Variants in ROBO1 observed in about 807,000 individuals in gnomAD.
The protein encoded by ROBO1 is roundabout homolog 1.
Under a neutral mutation model 195.9 loss-of-function variants are expected in ROBO1, and 149 were observed. That is an observed-to-expected ratio of 0.76 (90% CI 0.67 to 0.87). The LOEUF is 0.87. Ranked by LOEUF, ROBO1 falls within the 40% of genes least tolerant of loss-of-function variation. The pLI, the probability that ROBO1 is intolerant of heterozygous loss-of-function variation, is 0.00. For missense variants in ROBO1, 1,933 were observed against 2,068.3 expected (o/e 0.93, Z 1.27); for synonymous variants, 816 against 733.2 (o/e 1.11, Z -1.82).
At chr3:78,714,220 T>A (rs904519434) in intron 8 of ROBO1, among the ~76,000 whole-genome samples, 177 bp downstream of exon 8, 3 of 152,044 alleles carry the variant, frequency 2.0e-5, no homozygotes, top group Admixed American at 1.3e-4. Flanking sequence ...CTGTAACACT[T>A]ACAGAGCTCC....
intron 2 of ROBO1, among the ~76,000 whole-genome samples, chr3:79,420,430 T>G (rs1480034415): frequency 6.6e-6 from 1 of 152,136 alleles, no homozygotes; most frequent in Non-Finnish European, 1.5e-5. Flanking sequence ...GTGGCTTTTG[T>G]GATATTTGAA....
chr3:78,802,018 C>A (rs2084386905), intron 4 of ROBO1, among the ~76,000 whole-genome samples: 1 of 152,018 alleles, frequency 6.6e-6, no homozygotes, highest in African/African-American at 2.4e-5. Context: ...TTAAAGAGGT[C>A]TTATGAATGT....
intron 1 of ROBO1, among the ~76,000 whole-genome samples, chr3:79,731,595 AC>A (rs1471354154): frequency 6.6e-6 from 1 of 152,190 alleles, no homozygotes; most frequent in Non-Finnish European, 1.5e-5. Flanking sequence ...TATTCAAAAA[AC>A]AAAACAAAAA....
chr3:78,831,853 A>G (rs906461027), intron 4 of ROBO1, among the ~76,000 whole-genome samples: 3 of 152,196 alleles, frequency 2.0e-5, no homozygotes, highest in African/African-American at 7.2e-5. Flanking sequence ...TAAAACCATC[A>G]GATTTTGTGA....
intron 2 of ROBO1, among the ~76,000 whole-genome samples, chr3:79,466,818 C>A (rs561903021): frequency 6.6e-6 from 1 of 152,226 alleles, no homozygotes; most frequent in Admixed American, 6.5e-5. Context: ...TCAATATCTA[C>A]CTTTGCAAAA....
intron 1 of ROBO1, among the ~76,000 whole-genome samples, chr3:79,733,742 T>TA (rs1333381300): frequency 6.6e-6 from 1 of 152,198 alleles, no homozygotes; most frequent in Non-Finnish European, 1.5e-5. Context: ...TCTCTGTACT[T>TA]ACTCTATCAT....
At chr3:79,106,505 T>C (rs1176168124) in intron 3 of ROBO1, among the ~76,000 whole-genome samples, 1 of 151,664 alleles carries the variant, frequency 6.6e-6, no homozygotes, top group Non-Finnish European at 1.5e-5. Context: ...CCTGGATTTC[T>C]ATTAGCACTT....
intron 4 of ROBO1, among the ~76,000 whole-genome samples, chr3:78,852,772 A>G (rs939678639): frequency 2.6e-5 from 4 of 152,190 alleles, no homozygotes; most frequent in African/African-American, 9.6e-5. Flanking sequence ...TTGAATTCAC[A>G]TATCAAATAG....
chr3:78,973,138 G>A lies in ROBO1; in HGVS notation c.173-34211C>T, dbSNP rs150674334. ...GTTTTTGCTGTCTTGTTGTTACTCCGTGAGTTTCTTTTGCTTGCAATGAAA... is the reference window on the plus strand; with the variant it reads ...GTTTTTGCTGTCTTGTTGTTACTCCATGAGTTTCTTTTGCTTGCAATGAAA... On this transcript the variant is annotated intron_variant, in intron 3 of 30. Transcript: ENST00000464233. Among the ~76,000 whole-genome samples, 1,306 of 152,062 alleles carry A rather than the reference G, an allele frequency of 8.6e-3. 11 individuals are homozygous for A. The highest frequency in any genetic ancestry group is 0.014 in the South Asian group (69 of 4,820).
At chr3:78,721,024 C>A (rs550961769) in intron 5 of ROBO1, among the ~76,000 whole-genome samples, 1 of 151,516 alleles carries the variant, frequency 6.6e-6, no homozygotes, top group East Asian at 1.9e-4. Context: ...GTGCAGCACA[C>A]CAACATGGCA....
chr3:79,553,107 C>T (rs1331387669), intron 2 of ROBO1, among the ~76,000 whole-genome samples: 1 of 151,916 alleles, frequency 6.6e-6, no homozygotes, highest in African/African-American at 2.4e-5. Flanking sequence ...TGTCAGAGAG[C>T]CCTATTGAGT....
intron 3 of ROBO1, among the ~76,000 whole-genome samples, chr3:79,049,595 G>A (rs2078657916): frequency 6.6e-6 from 1 of 152,054 alleles, no homozygotes; most frequent in African/African-American, 2.4e-5. Flanking sequence ...ACACGTAATT[G>A]TCAGATTCAC....
At chr3:79,651,222 A>G (rs573309082) in intron 1 of ROBO1, among the ~76,000 whole-genome samples, 1 of 152,208 alleles carries the variant, frequency 6.6e-6, no homozygotes, top group African/African-American at 2.4e-5. Context: ...AGAAGAAGGG[A>G]ATCACAAGGA....
intron 2 of ROBO1, among the ~76,000 whole-genome samples, chr3:79,334,884 T>C (rs113684134): frequency 0.043 from 6,528 of 152,062 alleles, 475 homozygotes; most frequent in African/African-American, 0.15. Flanking sequence ...GGCAGGCAGA[T>C]CACCTGAGGC....
chr3:78,809,066 C>T (rs1365416534), intron 4 of ROBO1, among the ~76,000 whole-genome samples: 2 of 151,922 alleles, frequency 1.3e-5, no homozygotes, highest in African/African-American at 2.4e-5. Flanking sequence ...AGGCAACCTA[C>T]AGAATGGGAG....
chr3:79,557,586 T>C (rs1422994363), intron 2 of ROBO1, among the ~76,000 whole-genome samples: 1 of 151,480 alleles, frequency 6.6e-6, no homozygotes, highest in Non-Finnish European at 1.5e-5. Context: ...ATGCAAAAAT[T>C]AGCCAGGTTT....
intron 1 of ROBO1, among the ~76,000 whole-genome samples, chr3:79,687,971 A>C (rs763666018): frequency 2.0e-5 from 3 of 152,076 alleles, no homozygotes; most frequent in Non-Finnish European, 2.9e-5. Flanking sequence ...GAACCAACCC[A>C]AATGTCCAAC....
intron 1 of ROBO1, among the ~76,000 whole-genome samples, chr3:79,754,256 T>C (rs1487996430): frequency 6.6e-6 from 1 of 152,180 alleles, no homozygotes; most frequent in Non-Finnish European, 1.5e-5. Flanking sequence ...GCATATTTTA[T>C]ATGCAATGTT....
At chr3:79,240,228 T>C (rs116085795) in intron 2 of ROBO1, among the ~76,000 whole-genome samples, 1 of 152,172 alleles carries the variant, frequency 6.6e-6, no homozygotes, top group Non-Finnish European at 1.5e-5. Context: ...CTCACGGTAT[T>C]TGTCTTTCTG....
Sources: gnomAD v4.1 joint callset for allele counts (sites outside exome capture counted in the v4.1 genomes callset) on GRCh38, gnomAD v4.1.1 for gene constraint, MANE v1.5 for transcripts, NCBI Gene and HGNC (gene_info 2026-07-23, HGNC 2026-07-21) for gene names.